Variants in ROBO1 observed in about 807,000 individuals in gnomAD.
The protein encoded by ROBO1 is roundabout homolog 1.
A neutral mutation model predicts 195.9 loss-of-function variants in ROBO1; 149 were observed. The observed-to-expected ratio is 0.76, with a 90% CI of 0.67 to 0.87. The LOEUF (loss-of-function observed/expected upper bound fraction) is 0.87, where lower values mean the gene tolerates loss of function less well. ROBO1 is among the 40% of genes least tolerant of loss of function. ROBO1 has a pLI of 0.00. For missense variants in ROBO1, 1,933 were observed against 2,068.3 expected (o/e 0.93, Z 1.27); for synonymous variants, 816 against 733.2 (o/e 1.11, Z -1.82).
chr3:78,889,006 G>T (rs892064693), intron 4 of ROBO1, among the ~76,000 whole-genome samples: 1 of 152,142 alleles, frequency 6.6e-6, no homozygotes, highest in African/African-American at 2.4e-5. Context: ...TAGACAAGAT[G>T]ATGCCTTCTG....
At chr3:79,153,120 G>A (rs560018158) in intron 2 of ROBO1, among the ~76,000 whole-genome samples, 27 of 151,696 alleles carry the variant, frequency 1.8e-4, no homozygotes, top group Admixed American at 9.9e-4. Context: ...GAGGGTGAGC[G>A]GGTGGTAGTA....
In ROBO1 at chr3:79,110,727, A is replaced by G. The variant is rs868356968; in HGVS notation, c.172+14729T>C. 2.6e-5 allele frequency among the ~76,000 whole-genome samples: 4 copies of G among 151,322 alleles called. No homozygotes were observed. In the South Asian group the frequency reaches 6.3e-4, roughly 24 times the overall value. ...AGCCTTGAACTCCTGGACTCAAGCA[A>G]TCCTCTCACTGCAGCCTCCCAAGTA... On this transcript the variant is annotated intron_variant, in intron 3 of 30. Transcript: ENST00000464233.
intron 17 of ROBO1, among the ~76,000 whole-genome samples, chr3:78,657,693 A>G (rs1707124495): frequency 6.6e-6 from 1 of 152,222 alleles, no homozygotes; most frequent in South Asian, 2.1e-4. Context: ...GACCCAGATG[A>G]CCAGATATTG....
chr3:79,027,387 T>A (rs2078221606), intron 3 of ROBO1, among the ~76,000 whole-genome samples: 2 of 152,030 alleles, frequency 1.3e-5, no homozygotes, highest in African/African-American at 4.8e-5. Flanking sequence ...TATTTGAAAG[T>A]TATTTATTTT....
chr3:79,184,656 G>A (rs2108741493), intron 2 of ROBO1, among the ~76,000 whole-genome samples: 1 of 152,146 alleles, frequency 6.6e-6, no homozygotes, highest in South Asian at 2.1e-4. Context: ...CTGTATTAAT[G>A]GTAAAAGGAT....
At chr3:78,753,234 T>C (rs960973875) in intron 4 of ROBO1, among the ~76,000 whole-genome samples, 1 of 152,212 alleles carries the variant, frequency 6.6e-6, no homozygotes. Context: ...AATACAGTTG[T>C]ATGTTTCTGC....
Position 79,764,140 on chromosome 3 carries a change from G to A in ROBO1, c.-51+3612C>T, listed in dbSNP as rs188390249. Reference sequence around the variant, plus strand: ...AAGCCTACTTTGAAAGGGTTATGTGGGGATTAAGTGAAATATCTATTGCAG... The same window carrying A: ...AAGCCTACTTTGAAAGGGTTATGTGAGGATTAAGTGAAATATCTATTGCAG... On this transcript the variant is annotated intron_variant, in intron 1 of 30. Transcript: ENST00000464233. Among the ~76,000 whole-genome samples the A allele has an allele frequency of 2.3e-3, 344 of 152,262 alleles. 3 individuals are homozygous for A. Among genetic ancestry groups the A allele is most frequent in the African/African-American group, 7.1e-3 (294 of 41,544 alleles).
At chr3:79,078,077 T>C (rs1162981335) in intron 3 of ROBO1, among the ~76,000 whole-genome samples, 2 of 151,776 alleles carry the variant, frequency 1.3e-5, no homozygotes, top group African/African-American at 2.4e-5. Flanking sequence ...CTAATATATA[T>C]GTGACTGCTT....
intron 3 of ROBO1, among the ~76,000 whole-genome samples, chr3:78,979,498 T>G (rs563332092): frequency 6.6e-6 from 1 of 152,214 alleles, no homozygotes; most frequent in Non-Finnish European, 1.5e-5. Context: ...CTCAGCAATG[T>G]AGATAAAATT....
chr3:79,698,383 T>C (rs1052537624), intron 1 of ROBO1, among the ~76,000 whole-genome samples: 1 of 151,428 alleles, frequency 6.6e-6, no homozygotes, highest in Non-Finnish European at 1.5e-5. Flanking sequence ...ATAGATAAGA[T>C]AGGTAAGATA....
intron 3 of ROBO1, among the ~76,000 whole-genome samples, chr3:79,090,657 C>T (rs141551372): frequency 7.2e-5 from 11 of 152,172 alleles, no homozygotes; most frequent in Middle Eastern, 3.4e-3. Context: ...TGAGTTTGGG[C>T]CTAACCTCTC....
intron 2 of ROBO1, among the ~76,000 whole-genome samples, chr3:79,188,333 C>A (rs1410962100): frequency 1.3e-5 from 2 of 151,812 alleles, no homozygotes; most frequent in Non-Finnish European, 2.9e-5. Flanking sequence ...GCAGTAGTTA[C>A]ATTAAATAAT....
rs147847386 is a variant in ROBO1 at position 79,362,278 on chromosome 3, T to C, written c.88+227546A>G. Among the ~76,000 whole-genome samples, 116 of 152,232 alleles carry C rather than the reference T, an allele frequency of 7.6e-4. 1 individual carries two copies. The highest frequency in any genetic ancestry group is 4.4e-4 in the Non-Finnish European group (30 of 67,982). On this transcript the variant is annotated intron_variant, in intron 2 of 30. Coordinates refer to ENST00000464233, the MANE Select transcript of ROBO1 (RefSeq NM_002941.4). ...TTTAAAAATAATAGATCGAAGTGCA[T>C]TTTCAGTGTCAGGATGTGCTTAAGG...
At chr3:79,711,992 T>C (rs1185119854) in intron 1 of ROBO1, among the ~76,000 whole-genome samples, 1 of 151,742 alleles carries the variant, frequency 6.6e-6, no homozygotes, top group Non-Finnish European at 1.5e-5. Flanking sequence ...CAATGTTGTG[T>C]GTGTTCTGAC....
intron 2 of ROBO1, among the ~76,000 whole-genome samples, chr3:79,253,817 T>C (rs2108917607): frequency 6.6e-6 from 1 of 152,326 alleles, no homozygotes; most frequent in South Asian, 2.1e-4. Flanking sequence ...AGATGAGCAT[T>C]CTGACTATAA....
chr3:79,047,613 T>A (rs1053050104), intron 3 of ROBO1, among the ~76,000 whole-genome samples: 1 of 152,166 alleles, frequency 6.6e-6, no homozygotes, highest in African/African-American at 2.4e-5. Context: ...TTGTTTTAAA[T>A]CACTACGTTT....
chr3:79,197,482 G>A (rs918787205), intron 2 of ROBO1, among the ~76,000 whole-genome samples: 8 of 151,718 alleles, frequency 5.3e-5, no homozygotes, highest in Admixed American at 3.3e-4. Context: ...CATTGTGAAC[G>A]GTGCCACAAT....
At chr3:79,053,151 C>T (rs546664173) in intron 3 of ROBO1, among the ~76,000 whole-genome samples, 30 of 152,034 alleles carry the variant, frequency 2.0e-4, no homozygotes, top group East Asian at 3.9e-4. Context: ...GGCCTTGATA[C>T]GTGCCATCCT....
chr3:79,511,577 T>C (rs1940707136), intron 2 of ROBO1, among the ~76,000 whole-genome samples: 1 of 152,152 alleles, frequency 6.6e-6, no homozygotes, highest in South Asian at 2.1e-4. Context: ...TAAAAGTTTA[T>C]TTAAGCTTCA....
Sources: allele counts gnomAD v4.1 joint callset (sites outside exome capture counted in the v4.1 genomes callset), GRCh38; gene constraint gnomAD v4.1.1; transcripts MANE v1.5; gene names NCBI Gene and HGNC (gene_info 2026-07-23, HGNC 2026-07-21).